The following FAM178B variants were observed in gnomAD, a reference collection of about 807,000 sequenced individuals.
FAM178B encodes family with sequence similarity 178 member B.
A neutral mutation model predicts 91.7 loss-of-function variants in FAM178B; 82 were observed. That is an observed-to-expected ratio of 0.89 (90% confidence interval 0.75 to 1.07). The LOEUF is 1.07. Among genes scored for constraint, FAM178B ranks in the 50% least tolerant of loss-of-function variants. The pLI, the probability that FAM178B is intolerant of heterozygous loss-of-function variation, is 0.00. For synonymous variants in FAM178B, 368 were observed against 359.4 expected, an observed-to-expected ratio of 1.02 and a Z score of -0.27; for missense variants, 769 against 846.7, an observed-to-expected ratio of 0.91 and a Z score of 1.14.
At chr2:96,879,035 G>C (rs916057293) in intron 14 of FAM178B, among the ~76,000 whole-genome samples, 4 of 152,232 alleles carry the variant, frequency 2.6e-5, no homozygotes, top group African/African-American at 9.6e-5. Flanking sequence ...GTGAAAACAG[G>C]ACGCAGGCCT....
At chr2:96,971,513 T>C (rs1199629316) in intron 3 of FAM178B, among the ~76,000 whole-genome samples, 1 of 152,142 alleles carries the variant, frequency 6.6e-6, no homozygotes, top group Non-Finnish European at 1.5e-5. Flanking sequence ...GGACTCCCGA[T>C]CCACTGGACC....
chr2:96,878,460 C>T lies in FAM178B; in HGVS notation c.1810G>A (p.Ala604Thr), dbSNP rs773765436. Residue 604 changes from alanine (A) to threonine (T), a missense_variant, in exon 15 of 17, where the codon GCC (alanine) becomes ACC (threonine). Coordinates refer to ENST00000490605, the MANE Select transcript of FAM178B (RefSeq NM_001122646.3). The part of the protein sequence containing the change: ...CYLCHSLLML[A>T]GVVVSCQDIT... The stretch of plus-strand genomic sequence containing the variant: ...TCCTGGCAGCTAACAACTACCCCGG[C>T]CAGCATCAGCAAGCTGTGGCACAGG... 3.1e-6 allele frequency: 5 copies of T among 1,613,822 alleles called. No individual in the cohort carries two copies. The African/African-American group carries it at 6.7e-5, about 22-fold the overall frequency.
chr2:96,940,792 G>A (rs2081716749), intron 8 of FAM178B, among the ~76,000 whole-genome samples: 1 of 152,228 alleles, frequency 6.6e-6, no homozygotes, highest in Non-Finnish European at 1.5e-5. Flanking sequence ...TCAAATGTCT[G>A]CAAGTTAATG....
intron 12 of FAM178B, among the ~76,000 whole-genome samples, chr2:96,904,371 TTTTTG>T (rs572663197): frequency 2.0e-5 from 3 of 151,824 alleles, no homozygotes; most frequent in Non-Finnish European, 2.9e-5. Flanking sequence ...ATGGTCTCAT[TTTTTG>T]TTTTGTTTTG....
intron 1 of FAM178B, chr2:96,977,963 C>T (rs757113865): frequency 1.5e-4 from 65 of 446,938 alleles, no homozygotes; most frequent in African/African-American, 1.2e-4. Flanking sequence ...GGGAGGGGGG[C>T]GACCGGCAAG....
chr2:96,899,635 C>T (rs1422017806), intron 13 of FAM178B, among the ~76,000 whole-genome samples: 1 of 152,032 alleles, frequency 6.6e-6, no homozygotes, highest in Non-Finnish European at 1.5e-5. Flanking sequence ...GCCGTCATGG[C>T]TCACTGCAGC....
At chr2:96,926,025 G>A (rs777556459) in intron 9 of FAM178B, among the ~76,000 whole-genome samples, 2 of 151,054 alleles carry the variant, frequency 1.3e-5, no homozygotes, top group East Asian at 1.9e-4. Flanking sequence ...AGTGGCTGGC[G>A]GGGCATGGTG....
intron 1 of FAM178B, among the ~76,000 whole-genome samples, chr2:96,976,513 C>A (rs1257950314): frequency 1.3e-5 from 2 of 151,944 alleles, no homozygotes; most frequent in African/African-American, 4.8e-5. Context: ...AAATCTTGCA[C>A]ACAAATATCC....
chr2:96,910,517 G>C (rs2081134713), intron 12 of FAM178B, among the ~76,000 whole-genome samples: 1 of 152,192 alleles, frequency 6.6e-6, no homozygotes, highest in Non-Finnish European at 1.5e-5. Flanking sequence ...ACGTTTTACT[G>C]TCAGCCCCAA....
chr2:96,906,441 C>A (rs1202022071), intron 12 of FAM178B, among the ~76,000 whole-genome samples: 2 of 152,154 alleles, frequency 1.3e-5, no homozygotes, highest in Non-Finnish European at 2.9e-5. Flanking sequence ...GAGGGACCAA[C>A]CATTCCCCTC....
intron 6 of FAM178B, among the ~76,000 whole-genome samples, chr2:96,957,505 A>C (rs1410939092): frequency 1.3e-5 from 2 of 152,016 alleles, no homozygotes; most frequent in African/African-American, 4.8e-5. Flanking sequence ...TGAAACCCTC[A>C]CTCCAGGGAA....
chr2:96,893,556 G>A lies in FAM178B; in HGVS notation c.1776+370C>T, dbSNP rs1442271417. Among the ~76,000 whole-genome samples the A allele has an allele frequency of 1.2e-4, 18 of 152,122 alleles. No individual in the cohort carries two copies. In the East Asian group the frequency reaches 2.0e-3, roughly 16 times the overall value. On this transcript the variant is annotated intron_variant, in intron 14 of 16. Coordinates refer to ENST00000490605, the MANE Select transcript of FAM178B (RefSeq NM_001122646.3). ...ATGCCCTGCACGTCGAGACAACCCTGCGCTTATCCTGATGTGCTCCCATCC... is the reference window on the plus strand; with the variant it reads ...ATGCCCTGCACGTCGAGACAACCCTACGCTTATCCTGATGTGCTCCCATCC...
intron 8 of FAM178B, among the ~76,000 whole-genome samples, chr2:96,936,512 G>A (rs1218622949): frequency 7.5e-6 from 1 of 133,208 alleles, no homozygotes; most frequent in South Asian, 2.2e-4. Flanking sequence ...TTTTTTTTTG[G>A]TTGTTTTTTT....
At chr2:96,937,000 C>T (rs1324762840) in intron 8 of FAM178B, among the ~76,000 whole-genome samples, 4 of 152,016 alleles carry the variant, frequency 2.6e-5, no homozygotes, top group African/African-American at 9.7e-5. Flanking sequence ...TATCCTCCTG[C>T]CTCAGCCTCC....
At chr2:96,908,519 G>A (rs1476162172) in intron 12 of FAM178B, among the ~76,000 whole-genome samples, 1 of 152,032 alleles carries the variant, frequency 6.6e-6, no homozygotes, top group Admixed American at 6.5e-5. Context: ...GGGCAACATA[G>A]GGAGACCCCA....
chr2:96,925,937 T>C (rs963134694), intron 9 of FAM178B, among the ~76,000 whole-genome samples: 2 of 152,218 alleles, frequency 1.3e-5, no homozygotes, highest in African/African-American at 4.8e-5. Flanking sequence ...CCTCACTTGA[T>C]AGGACGCCCT....
intron 5 of FAM178B, among the ~76,000 whole-genome samples, chr2:96,963,386 G>C (rs1291251461): frequency 6.6e-6 from 1 of 152,218 alleles, no homozygotes; most frequent in Non-Finnish European, 1.5e-5. Context: ...TCTTGCCGAG[G>C]AAGGCCTTTG....
chr2:96,912,528 G>A (rs2081175998), intron 12 of FAM178B, among the ~76,000 whole-genome samples: 1 of 152,076 alleles, frequency 6.6e-6, no homozygotes, highest in South Asian at 2.1e-4. Flanking sequence ...AGTGCTGGTT[G>A]CTCATCAGGA....
At chr2:96,974,680 T>C (rs944333576) in intron 1 of FAM178B, among the ~76,000 whole-genome samples, 14 of 152,112 alleles carry the variant, frequency 9.2e-5, no homozygotes, top group Non-Finnish European at 2.1e-4. Context: ...TCCATGCAAA[T>C]AGTACTAAAA....
Sources: gnomAD v4.1 joint callset for allele counts (sites outside exome capture counted in the v4.1 genomes callset) on GRCh38, gnomAD v4.1.1 for gene constraint, MANE v1.5 for transcripts, NCBI Gene and HGNC (gene_info 2026-07-23, HGNC 2026-07-21) for gene names.